Variants in CDH26 observed in about 807,000 individuals in gnomAD.
The protein encoded by CDH26 is cadherin 26, also known as cadherin-like protein 26.
Under a neutral mutation model 90.3 loss-of-function variants are expected in CDH26, and 83 were observed. The ratio of observed to expected loss-of-function variants is 0.92; its 90% CI spans 0.77 to 1.10. The LOEUF is 1.10. Ranked by LOEUF, CDH26 falls within the 50% of genes least tolerant of loss-of-function variation. The pLI, the probability that CDH26 is intolerant of heterozygous loss-of-function variation, is 0.00. For synonymous variants in CDH26, 397 were observed against 396.3 expected, an observed-to-expected ratio of 1.00 and a Z score of -0.02; for missense variants, 1,013 against 1,037.6, an observed-to-expected ratio of 0.98 and a Z score of 0.33.
chr20:59,981,887 G>A (rs558438106), intron 4 of CDH26, among the ~76,000 whole-genome samples: 1 of 151,966 alleles, frequency 6.6e-6, no homozygotes, highest in South Asian at 2.1e-4. Flanking sequence ...TCTGGGCCTG[G>A]AGTTTTTTGT....
Position 59,983,081 on chromosome 20 carries a change from C to T in CDH26, c.541+11C>T. ...AAAACCAATCTGCAGGTGTGTGCGG[C>T]TGGGGGGCTGCCGGGCTTCCTTCTG... On this transcript the variant is annotated intron_variant, in intron 5 of 17. Coordinates refer to ENST00000348616, the MANE Select transcript of CDH26 (RefSeq NM_177980.4). The T allele has an allele frequency of 6.2e-7, 1 of 1,611,986 alleles. No individual in the cohort carries two copies. The highest frequency in any genetic ancestry group is 8.5e-7 in the Non-Finnish European group (1 of 1,178,812).
rs760530761 is a variant in CDH26 at position 59,958,733 on chromosome 20, A to G, written c.7A>G (p.Met3Val). Residue 3 changes from methionine to valine, a missense_variant, in exon 1 of 18, where the codon ATG (methionine) becomes GTG (valine). By Grantham distance (21) the Met-to-Val change is conservative. Transcript: ENST00000348616. MA[M>V]RSGRHPSLLL... ...CTGTCTTGGGTATTCCCATATGGCCATGAGATCCGGGAGGCACCCCTCGCT... is the reference window on the plus strand; with the variant it reads ...CTGTCTTGGGTATTCCCATATGGCCGTGAGATCCGGGAGGCACCCCTCGCT... 6.2e-6 allele frequency: 10 copies of G among 1,614,070 alleles called. No individual in the cohort carries two copies. The highest frequency in any genetic ancestry group is 1.1e-5 in the South Asian group (1 of 91,090).
At chr20:60,029,254 G>GCACAACGTGGCACCTATAGTC (rs2062021735) in intron 7 of CDH26, among the ~76,000 whole-genome samples, 1 of 152,106 alleles carries the variant, frequency 6.6e-6, no homozygotes, top group South Asian at 2.1e-4. Flanking sequence ...GAGGTCTGCT[G>GCACAACGTGGCACCTATAGTC]CACAACGTGG....
In CDH26 at chr20:59,992,507, C is replaced by T. The variant is rs750541679; in HGVS notation, c.1413C>T (p.His471=). 2 of 1,613,964 alleles carry T rather than the reference C, an allele frequency of 1.2e-6. No homozygotes were observed. The highest frequency in any genetic ancestry group is 2.2e-5 in the East Asian group (1 of 44,874). ...ACAGTTTTTATGTAATCATCATTCA[C>T]GCTGTTGATGATGGTGAGTGTTTAC... ...VNNSFYVIII[H]AVDDGFPPQT... is the part of the protein sequence containing the mutation. The change falls in exon 10 of 18, where the codon CAC becomes CAT. Residue 471 remains histidine, a synonymous_variant. Coordinates refer to ENST00000348616, the MANE Select transcript of CDH26 (RefSeq NM_177980.4). The surrounding 1 kb of genome is among the most constrained non-coding windows in gnomAD (Gnocchi z 5.0).
At chr20:59,999,803 T>G (rs1246394892) in intron 14 of CDH26, 140 bp downstream of exon 14, 1 of 680,292 alleles carries the variant, frequency 1.5e-6, no homozygotes. Context: ...CAGCCCCTAC[T>G]TGCAAAGCCC....
chr20:59,968,317 G>T (rs765801391), intron 1 of CDH26, among the ~76,000 whole-genome samples: 3 of 151,808 alleles, frequency 2.0e-5, no homozygotes, highest in Non-Finnish European at 4.4e-5. Flanking sequence ...AGTTGCTCTC[G>T]AACTCCTGAC....
chr20:59,999,587 C>A lies in CDH26; in HGVS notation c.2021C>A (p.Thr674Lys). The A allele has an allele frequency of 6.2e-7, 1 of 1,613,512 alleles. No individual in the cohort carries two copies. Among genetic ancestry groups the A allele is most frequent in the Non-Finnish European group, 8.5e-7 (1 of 1,179,488 alleles). ...TATTTCTTTCTCTGTGTTCTACAGA[C>A]ATGGTCAGATGTTGAAGGCCAGAGG... The part of the protein sequence containing the change: ...NAESKGTSAQ[T>K]WSDVEGQRPA... Residue 674 changes from threonine (T) to lysine (K), a missense_variant and splice_region_variant, in exon 14 of 18, where the codon ACA (threonine) becomes AAA (lysine). By Grantham distance (78) the Thr-to-Lys change is moderately conservative (BLOSUM62 -1). Coordinates refer to ENST00000348616, the MANE Select transcript of CDH26 (RefSeq NM_177980.4).
At chr20:60,015,575 G>A (rs919977011), downstream of CDH26, among the ~76,000 whole-genome samples, 7 of 151,428 alleles carry the variant, frequency 4.6e-5, no homozygotes, top group African/African-American at 1.5e-4. Context: ...CATTTTGTAC[G>A]TTAACTTTTC....
intron 8 of CDH26, 72 bp from the exon 9 acceptor site, chr20:59,988,832 T>C: frequency 1.3e-6 from 2 of 1,550,742 alleles, no homozygotes; most frequent in Non-Finnish European, 1.8e-6. Flanking sequence ...TTTGCAATGA[T>C]GACTCGGCGC....
chr20:60,031,556 A>T, intron 8 of CDH26: 2 of 973,730 alleles, frequency 2.1e-6, no homozygotes, highest in Non-Finnish European at 2.5e-6. Flanking sequence ...AAACATCCTC[A>T]GTTTCTTCAG....
chr20:60,001,555 T>G, intron 15 of CDH26, 144 bp downstream of exon 15: 3 of 1,420,426 alleles, frequency 2.1e-6, no homozygotes, highest in Non-Finnish European at 2.8e-6. Context: ...AAGCTGGGCT[T>G]TTTCCACCCG....
intron 1 of CDH26, among the ~76,000 whole-genome samples, chr20:59,964,487 A>G (rs968885524): frequency 6.6e-6 from 1 of 151,442 alleles, no homozygotes; most frequent in Non-Finnish European, 1.5e-5. Context: ...CATTATGTAA[A>G]TCTTTTGAAA....
chr20:59,989,665 A>G (rs1328724223), intron 9 of CDH26, among the ~76,000 whole-genome samples: 2 of 152,168 alleles, frequency 1.3e-5, no homozygotes, highest in Non-Finnish European at 2.9e-5. Flanking sequence ...GTCGTCTTCT[A>G]TCCATAGGTT....
exon 9 of CDH26, chr20:60,033,773 ATGTGTGTGTGTGTGTGTGTG>A: frequency 1.0e-5 from 9 of 899,422 alleles, no homozygotes; most frequent in Non-Finnish European, 1.3e-5. Context: ...GGTAGACAAG[ATGTGTGTGTGTGTGTGTGTG>A]TGTGTGTGTG....
intron 7 of CDH26, among the ~76,000 whole-genome samples, chr20:60,021,699 T>C (rs2061952434): frequency 6.6e-6 from 1 of 152,026 alleles, no homozygotes; most frequent in South Asian, 2.1e-4. Context: ...TTTTCAATAG[T>C]AATAAAATAT....
chr20:60,004,856 C>T (rs1360773796), intron 16 of CDH26, among the ~76,000 whole-genome samples: 1 of 151,008 alleles, frequency 6.6e-6, no homozygotes, highest in African/African-American at 2.4e-5. Context: ...ATGGGACCAG[C>T]TTTATATATA....
intron 12 of CDH26, chr20:59,996,272 A>G (rs1569048133): frequency 1.3e-5 from 16 of 1,191,348 alleles, no homozygotes; most frequent in East Asian, 2.6e-5. Context: ...TCTACTCACA[A>G]TGGAATCCAC....
intron 3 of CDH26, 77 bp from the exon 4 acceptor site, chr20:59,971,885 T>C: frequency 8.1e-7 from 1 of 1,236,318 alleles, no homozygotes; most frequent in Non-Finnish European, 1.1e-6. Flanking sequence ...CCATTGATTC[T>C]TAGCCTTGAT....
chr20:60,021,867 C>CACACACACACACACAT (rs1555903634), intron 7 of CDH26, among the ~76,000 whole-genome samples: 3,010 of 89,486 alleles, frequency 0.034, 165 homozygotes, highest in Non-Finnish European at 0.046. Flanking sequence ...CACACACACA[C>CACACACACACACACAT]ACACACACAC....
Sources: allele counts gnomAD v4.1 joint callset (sites outside exome capture counted in the v4.1 genomes callset), GRCh38; gene constraint gnomAD v4.1.1; non-coding constraint Gnocchi (gnomAD v3.1); transcripts MANE v1.5; gene names NCBI Gene and HGNC (gene_info 2026-07-23, HGNC 2026-07-21).